The following TMEM114 variants were observed in gnomAD, a reference collection of about 807,000 sequenced individuals.
TMEM114 encodes the protein claudin-26.
Under a neutral mutation model 6.2 loss-of-function variants are expected in TMEM114, and 6 were observed. The observed-to-expected ratio is 0.97, with a 90% CI of 0.53 to 1.91. The LOEUF is 1.91. Ranked by LOEUF, TMEM114 falls within the 40% of genes most tolerant of loss-of-function variation. TMEM114 has a pLI of 0.01. For missense variants in TMEM114, 218 were observed against 158.3 expected, an observed-to-expected ratio of 1.38 and a Z score of -2.02; for synonymous variants, 104 against 73.0, an observed-to-expected ratio of 1.42 and a Z score of -2.16.
chr16:8,546,570 C>G (rs1900673572), intron 2 of TMEM114, among the ~76,000 whole-genome samples: 1 of 152,158 alleles, frequency 6.6e-6, no homozygotes, highest in Non-Finnish European at 1.5e-5. Flanking sequence ...GTTCAGGAAG[C>G]CAAGCAACAA....
intron 2 of TMEM114, among the ~76,000 whole-genome samples, chr16:8,539,463 T>C (rs1259330732): frequency 6.6e-6 from 1 of 152,198 alleles, no homozygotes; most frequent in Non-Finnish European, 1.5e-5. Context: ...AGGAGGGCTC[T>C]GCCTCCTGCA....
At chr16:8,584,386 G>C (rs1467558840) in intron 2 of TMEM114, among the ~76,000 whole-genome samples, 3 of 152,202 alleles carry the variant, frequency 2.0e-5, no homozygotes, top group East Asian at 1.9e-4. Flanking sequence ...AATAATTCCA[G>C]TCCCTAGCCC....
chr16:8,541,343 T>C (rs986560237), intron 2 of TMEM114, among the ~76,000 whole-genome samples: 2 of 152,036 alleles, frequency 1.3e-5, no homozygotes, highest in Non-Finnish European at 1.5e-5. Context: ...CAGTCCAGGG[T>C]TACATTATTA....
chr16:8,532,164 G>A, the TMEM114 span, among the ~76,000 whole-genome samples: 11 of 152,156 alleles, frequency 7.2e-5, no homozygotes, highest in African/African-American at 2.2e-4. Context: ...TAATTAGAAT[G>A]TGCTAATATA....
At chr16:8,566,236 G>A (rs1477207017), downstream of TMEM114, among the ~76,000 whole-genome samples, 1 of 152,152 alleles carries the variant, frequency 6.6e-6, no homozygotes, top group Non-Finnish European at 1.5e-5. Flanking sequence ...CAGGCATGGT[G>A]CATGGTGGTG....
intron 2 of TMEM114, among the ~76,000 whole-genome samples, chr16:8,548,359 G>A (rs575347182): frequency 7.2e-5 from 11 of 152,256 alleles, no homozygotes; most frequent in Admixed American, 5.9e-4. Context: ...CTTGAGTGCC[G>A]GGTGGCACCT....
the TMEM114 span, among the ~76,000 whole-genome samples, chr16:8,526,982 T>A: frequency 6.6e-6 from 1 of 152,146 alleles, no homozygotes; most frequent in Admixed American, 6.5e-5. Flanking sequence ...CCAAGACAGG[T>A]GGATCACCTG....
chr16:8,557,586 A>T (rs1251953336), intron 2 of TMEM114, among the ~76,000 whole-genome samples: 2 of 152,198 alleles, frequency 1.3e-5, no homozygotes, highest in Non-Finnish European at 2.9e-5. Flanking sequence ...TGGGTAATTT[A>T]TTAGGCAGCT....
chr16:8,584,342 C>G (rs931512183), intron 2 of TMEM114, among the ~76,000 whole-genome samples: 10 of 152,202 alleles, frequency 6.6e-5, no homozygotes, highest in African/African-American at 2.4e-4. Context: ...TTAATCTACA[C>G]TGTGCTGAAT....
intron 2 of TMEM114, among the ~76,000 whole-genome samples, chr16:8,579,707 C>A (rs1424942632): frequency 3.3e-5 from 5 of 152,178 alleles, no homozygotes; most frequent in Non-Finnish European, 7.3e-5. Flanking sequence ...TTGTCTCTTT[C>A]TCATCATCAA....
chr16:8,548,725 A>G (rs1900750347), intron 2 of TMEM114, among the ~76,000 whole-genome samples: 1 of 132,488 alleles, frequency 7.5e-6, no homozygotes, highest in African/African-American at 3.2e-5. Context: ...AAATACACCC[A>G]TATATGGAAA....
At chr16:8,554,150 C>T (rs1015016570) in intron 2 of TMEM114, among the ~76,000 whole-genome samples, 1 of 152,036 alleles carries the variant, frequency 6.6e-6, no homozygotes, top group South Asian at 2.1e-4. Flanking sequence ...AAGACTACTT[C>T]ACTGTAACAG....
chr16:8,533,168 T>A (rs958922079), downstream of TMEM114, among the ~76,000 whole-genome samples: 4 of 151,964 alleles, frequency 2.6e-5, no homozygotes, highest in African/African-American at 9.7e-5. Context: ...AGCAAACAAG[T>A]TTGAATAGTG....
chr16:8,561,410 G>T (rs923589486), intron 2 of TMEM114, among the ~76,000 whole-genome samples: 2 of 152,140 alleles, frequency 1.3e-5, no homozygotes, highest in East Asian at 3.8e-4. Flanking sequence ...AGCATACCCC[G>T]CATTCCACCA....
intron 2 of TMEM114, among the ~76,000 whole-genome samples, chr16:8,555,137 C>T (rs1456472985): frequency 6.6e-6 from 1 of 152,218 alleles, no homozygotes; most frequent in Admixed American, 6.5e-5. Context: ...TTATCATGCA[C>T]ATTTCCTGAG....
chr16:8,553,574 C>T (rs111424311), intron 2 of TMEM114, among the ~76,000 whole-genome samples: 11,420 of 152,224 alleles, frequency 0.075, 518 homozygotes, highest in Middle Eastern at 0.18. Flanking sequence ...CAAGCTCCAC[C>T]TCCTGGGTTC....
downstream of TMEM114, among the ~76,000 whole-genome samples, chr16:8,533,814 C>T (rs1900282601): frequency 6.6e-6 from 1 of 152,186 alleles, no homozygotes; most frequent in South Asian, 2.1e-4. Context: ...ACTTTGGTCT[C>T]AGATGGGTTT....
chr16:8,568,922 G>A (rs1162002253), downstream of TMEM114, among the ~76,000 whole-genome samples: 3 of 152,210 alleles, frequency 2.0e-5, no homozygotes, highest in South Asian at 4.1e-4. Context: ...CTTAATAAAC[G>A]CCCCACCTCG....
At chr16:8,570,377 G>C (rs1901693211) in intron 3 of TMEM114, among the ~76,000 whole-genome samples, 1 of 151,912 alleles carries the variant, frequency 6.6e-6, no homozygotes, top group Admixed American at 6.5e-5. Context: ...GTGCAGCGGT[G>C]CGATCTCAGC....
Sources: allele counts gnomAD v4.1 joint callset (sites outside exome capture counted in the v4.1 genomes callset), GRCh38; gene constraint gnomAD v4.1.1; transcripts MANE v1.5; gene names NCBI Gene and HGNC (gene_info 2026-07-23, HGNC 2026-07-21).